ARHGAP26: variants seen among roughly 807,000 people sequenced by gnomAD.
ARHGAP26 encodes the protein rho GTPase-activating protein 26.
A neutral mutation model predicts 104.8 loss-of-function variants in ARHGAP26; 38 were observed. The observed-to-expected ratio is 0.36, with a 90% CI of 0.28 to 0.48. The LOEUF (loss-of-function observed/expected upper bound fraction) is 0.48. Ranked by LOEUF, ARHGAP26 falls within the 20% of genes least tolerant of loss-of-function variation. The pLI is 0.99. For synonymous variants in ARHGAP26, 341 were observed against 340.0 expected, an observed-to-expected ratio of 1.00 and a Z score of -0.03; for missense variants, 704 against 947.9, an observed-to-expected ratio of 0.74 and a Z score of 3.38.
chr5:143,030,026 A>G (rs1471411221), intron 12 of ARHGAP26, among the ~76,000 whole-genome samples: 2 of 152,142 alleles, frequency 1.3e-5, no homozygotes, highest in African/African-American at 2.4e-5. Flanking sequence ...CTGTTTTTAT[A>G]GACTATATAT....
intron 1 of ARHGAP26, among the ~76,000 whole-genome samples, chr5:142,832,216 T>C (rs1768584641): frequency 6.6e-6 from 1 of 152,292 alleles, no homozygotes; most frequent in South Asian, 2.1e-4. Flanking sequence ...CTGAATTGTG[T>C]CCCCTGCCAA....
In ARHGAP26 at chr5:143,214,282, G is replaced by A. The variant is rs182246914; in HGVS notation, c.2191+194G>A. On this transcript the variant is annotated intron_variant, in intron 22 of 22. Coordinates refer to ENST00000645722, the MANE Select transcript of ARHGAP26 (RefSeq NM_001135608.3). ...ATAAAATAGCAGCAGCAGGACTTCC[G>A]GAGACATTGTGAAGAGTGGACTAGT... Among the ~76,000 whole-genome samples the A allele has an allele frequency of 6.6e-5, 10 of 152,266 alleles. No homozygotes were observed. The East Asian group carries it at 1.7e-3, about 26-fold the overall frequency.
chr5:142,937,776 A>G (rs975217775), intron 11 of ARHGAP26, among the ~76,000 whole-genome samples: 4 of 149,516 alleles, frequency 2.7e-5, no homozygotes, highest in African/African-American at 9.7e-5. Context: ...TGCTAAATGA[A>G]AAAGGCCAGT....
intron 17 of ARHGAP26, among the ~76,000 whole-genome samples, chr5:143,063,086 A>C (rs1256303447): frequency 6.6e-6 from 1 of 152,174 alleles, no homozygotes; most frequent in African/African-American, 2.4e-5. Flanking sequence ...CTGCCAGTGC[A>C]GGATTGCTTG....
At chr5:143,195,856 A>G (rs552529989) in intron 20 of ARHGAP26, among the ~76,000 whole-genome samples, 90 of 152,112 alleles carry the variant, frequency 5.9e-4, no homozygotes, top group African/African-American at 2.2e-3. Flanking sequence ...TATAAAAGTA[A>G]CATGTTAATT....
chr5:143,176,426 C>G (rs577153453), intron 20 of ARHGAP26, among the ~76,000 whole-genome samples: 13 of 152,078 alleles, frequency 8.5e-5, no homozygotes, highest in Admixed American at 7.2e-4. Flanking sequence ...GCAGGCGAAC[C>G]CTTTGGGCAG....
chr5:142,869,908 A>G (rs972700975), intron 1 of ARHGAP26, among the ~76,000 whole-genome samples: 9 of 152,080 alleles, frequency 5.9e-5, no homozygotes, highest in Admixed American at 3.9e-4. Context: ...TCAAGGCCCA[A>G]ACTTCTAGCT....
chr5:143,142,859 C>T (rs1043624602), intron 19 of ARHGAP26, among the ~76,000 whole-genome samples: 2 of 152,188 alleles, frequency 1.3e-5, no homozygotes, highest in Non-Finnish European at 2.9e-5. Context: ...AAAACTTTAA[C>T]AAGTAGGAGA....
At chr5:143,189,677 C>A (rs529321161) in intron 20 of ARHGAP26, among the ~76,000 whole-genome samples, 10 of 152,076 alleles carry the variant, frequency 6.6e-5, no homozygotes, top group Admixed American at 5.2e-4. Flanking sequence ...TTAGTAATTG[C>A]TATATTACAC....
intron 14 of ARHGAP26, among the ~76,000 whole-genome samples, chr5:143,047,398 G>A (rs984019519): frequency 6.6e-6 from 1 of 152,230 alleles, no homozygotes; most frequent in African/African-American, 2.4e-5. Context: ...AAAGATGCTT[G>A]TGGGTTGCTG....
rs184363949 is a variant in ARHGAP26 at position 143,225,248 on chromosome 5, C to T, written c.*2802C>T. ...TGTGGCCCAGGCTGGAGTGCAGTGG[C>T]GCAATCTTGGCTCACTGCAACCTCC... On this transcript the variant is annotated 3_prime_UTR_variant, in exon 23 of 23. Transcript: ENST00000645722. 5,092 of 185,750 alleles carry T rather than the reference C, an allele frequency of 0.027. 98 individuals carry two copies. The highest frequency in any genetic ancestry group is 0.052 in the Middle Eastern group (27 of 520). The allele number at this position is 185,750 out of a possible 1,614,324, so 11.5% of individuals were successfully genotyped here. A position where few individuals can be genotyped will look rare whatever the true frequency, so the allele number is the denominator to read the frequency against.
chr5:142,903,478 A>G (rs1392779919), intron 7 of ARHGAP26, 62 bp from the exon 8 acceptor site: 2 of 1,555,974 alleles, frequency 1.3e-6, no homozygotes, highest in Non-Finnish European at 1.8e-6. Context: ...TATTAGGTTG[A>G]TCTGGATTGT....
chr5:143,054,538 C>A lies in ARHGAP26; in HGVS notation c.1373+12C>A, dbSNP rs1214697941. 4 of 1,586,078 alleles carry A rather than the reference C, an allele frequency of 2.5e-6. No individual in the cohort carries two copies. Among genetic ancestry groups the A allele is most frequent in the East Asian group, 4.5e-5 (2 of 44,636 alleles). ...AAGACCTACCTAAGGTAGGGACTTTCCATTTGCAAGGCAGAGTGCCAGCTA... is the reference window on the plus strand; with the variant it reads ...AAGACCTACCTAAGGTAGGGACTTTACATTTGCAAGGCAGAGTGCCAGCTA... On this transcript the variant is annotated intron_variant, in intron 15 of 22. Coordinates refer to ENST00000645722, the MANE Select transcript of ARHGAP26 (RefSeq NM_001135608.3).
At chr5:142,964,627 C>A (rs539571099) in intron 11 of ARHGAP26, among the ~76,000 whole-genome samples, 14 of 152,102 alleles carry the variant, frequency 9.2e-5, no homozygotes, top group African/African-American at 3.4e-4. Flanking sequence ...GTCTTGGAGA[C>A]ATGCCAATAT....
intron 12 of ARHGAP26, among the ~76,000 whole-genome samples, chr5:143,031,572 CTTTT>C (rs753414022): frequency 4.4e-5 from 6 of 135,364 alleles, no homozygotes; most frequent in African/African-American, 1.1e-4. Flanking sequence ...CTACACACCT[CTTTT>C]TTTTTTTTTT....
chr5:142,800,268 T>C (rs766191170), intron 1 of ARHGAP26, among the ~76,000 whole-genome samples: 5 of 152,160 alleles, frequency 3.3e-5, no homozygotes, highest in African/African-American at 1.2e-4. Flanking sequence ...TTCTGTTCTT[T>C]AGTGACTCAT....
chr5:142,922,441 TG>T (rs1763327800), intron 10 of ARHGAP26, among the ~76,000 whole-genome samples: 2 of 152,186 alleles, frequency 1.3e-5, no homozygotes, highest in African/African-American at 4.8e-5. Context: ...TGTGTGTGTG[TG>T]TTTTCTGTAG....
chr5:142,840,880 G>A (rs1049866660), intron 1 of ARHGAP26, among the ~76,000 whole-genome samples: 3 of 152,126 alleles, frequency 2.0e-5, no homozygotes, highest in South Asian at 2.1e-4. Context: ...GTTCAGTAGC[G>A]GTAATGTAAG....
At chr5:143,015,371 G>A (rs1779442068) in intron 12 of ARHGAP26, among the ~76,000 whole-genome samples, 1 of 152,184 alleles carries the variant, frequency 6.6e-6, no homozygotes, top group Non-Finnish European at 1.5e-5. Context: ...TGAAAAGCTA[G>A]GCTTGAGAAT....
Sources: allele counts gnomAD v4.1 joint callset (sites outside exome capture counted in the v4.1 genomes callset), GRCh38; gene constraint gnomAD v4.1.1; transcripts MANE v1.5; gene names NCBI Gene and HGNC (gene_info 2026-07-23, HGNC 2026-07-21).